Variants in ERC2 observed in about 807,000 individuals in gnomAD.
ERC2 encodes ELKS/RAB6-interacting/CAST family member 2.
ERC2 carries 42 observed loss-of-function variants against 114.8 expected under a neutral mutation model. The observed-to-expected ratio is 0.37, with a 90% CI of 0.29 to 0.47. ERC2 has a LOEUF of 0.47. Among genes scored for constraint, ERC2 ranks in the 20% least tolerant of loss-of-function variants. The probability of loss-of-function intolerance (pLI) is 0.99; values close to 1 mark genes in which losing one functional copy is unlikely to be tolerated. For synonymous variants in ERC2, 454 were observed against 425.5 expected, an observed-to-expected ratio of 1.07 and a Z score of -0.82; for missense variants, 939 against 1,150.7, an observed-to-expected ratio of 0.82 and a Z score of 2.66.
At chr3:55,620,211 C>T (rs1413217171) in intron 17 of ERC2, among the ~76,000 whole-genome samples, 2 of 152,164 alleles carry the variant, frequency 1.3e-5, no homozygotes, top group African/African-American at 4.8e-5. Flanking sequence ...AACACCCATC[C>T]TTTCAACAGA....
intron 3 of ERC2, among the ~76,000 whole-genome samples, chr3:56,259,385 C>T (rs1054335305): frequency 7.2e-5 from 11 of 152,054 alleles, no homozygotes; most frequent in African/African-American, 1.9e-4. Context: ...TAGGTCAACC[C>T]GCCTTACCGC....
intron 3 of ERC2, among the ~76,000 whole-genome samples, chr3:56,202,701 C>T (rs55849756): frequency 0.08 from 12,083 of 151,932 alleles, 658 homozygotes; most frequent in Admixed American, 0.15. Flanking sequence ...GTGAAATTTG[C>T]CAGATATATA....
At chr3:55,624,142 G>A (rs1481494126) in intron 17 of ERC2, among the ~76,000 whole-genome samples, 3 of 152,134 alleles carry the variant, frequency 2.0e-5, no homozygotes, top group African/African-American at 7.2e-5. Flanking sequence ...GAATCCAACA[G>A]GTAGGATGTA....
intron 14 of ERC2, among the ~76,000 whole-genome samples, chr3:55,738,607 C>T (rs1386246284): frequency 2.0e-5 from 3 of 152,090 alleles, no homozygotes; most frequent in Non-Finnish European, 2.9e-5. Flanking sequence ...ATACAATCTA[C>T]ATCATCTACC....
intron 14 of ERC2, among the ~76,000 whole-genome samples, chr3:55,746,491 ATCGGC>A (rs2066314656): frequency 6.6e-6 from 1 of 152,146 alleles, no homozygotes; most frequent in Admixed American, 6.5e-5. Flanking sequence ...ACCTCAGGTG[ATCGGC>A]CTCCCAAAGT....
intron 7 of ERC2, among the ~76,000 whole-genome samples, chr3:56,074,368 C>T (rs1386414530): frequency 6.6e-6 from 1 of 151,996 alleles, no homozygotes; most frequent in African/African-American, 2.4e-5. Flanking sequence ...GTCTGGTATA[C>T]AGTAAGGGTT....
intron 1 of ERC2, among the ~76,000 whole-genome samples, chr3:56,457,684 A>G (rs1187226880): frequency 6.6e-6 from 1 of 152,072 alleles, no homozygotes; most frequent in African/African-American, 2.4e-5. Flanking sequence ...TCCTGAGCCA[A>G]GCTAAACTCC....
intron 7 of ERC2, among the ~76,000 whole-genome samples, chr3:56,064,253 C>T (rs2076370040): frequency 6.6e-6 from 1 of 152,216 alleles, no homozygotes; most frequent in African/African-American, 2.4e-5. Context: ...GTGTCGGTAA[C>T]ATGGAACTGC....
In ERC2 at chr3:56,316,524, T is replaced by A. The variant is rs545066191; in HGVS notation, c.658-20089A>T. 2.6e-5 allele frequency among the ~76,000 whole-genome samples: 4 copies of A among 152,328 alleles called. No homozygotes were observed. In the South Asian group the frequency reaches 8.3e-4, roughly 32 times the overall value. ...CACTGTTAATCTCTGTCCTGTTTAA[T>A]CTCTGGAAAGTTGTTTGCCCTCAGT... On this transcript the variant is annotated intron_variant, in intron 2 of 17. Transcript: ENST00000288221.
chr3:56,004,924 A>C (rs145859403), intron 10 of ERC2, among the ~76,000 whole-genome samples: 1 of 152,118 alleles, frequency 6.6e-6, no homozygotes, highest in East Asian at 1.9e-4. Context: ...ATGTATATTC[A>C]CATACTGTTG....
At chr3:56,102,790 GA>G (rs2078431745) in intron 6 of ERC2, among the ~76,000 whole-genome samples, 1 of 152,174 alleles carries the variant, frequency 6.6e-6, no homozygotes, top group Non-Finnish European at 1.5e-5. Flanking sequence ...CACTGATGTT[GA>G]TAAGTAGCTG....
At chr3:55,516,243 T>TA (rs60032562) in intron 17 of ERC2, among the ~76,000 whole-genome samples, 459 of 142,228 alleles carry the variant, frequency 3.2e-3, no homozygotes, top group East Asian at 5.5e-3. Context: ...TCGTTTCTGC[T>TA]AAAAAAAAAA....
At chr3:56,055,297 A>C (rs2075964940) in intron 7 of ERC2, among the ~76,000 whole-genome samples, 1 of 152,186 alleles carries the variant, frequency 6.6e-6, no homozygotes, top group Non-Finnish European at 1.5e-5. Flanking sequence ...GGGCAGACTT[A>C]GGGGAGAAAA....
At chr3:55,861,197 G>C (rs2062012938) in intron 14 of ERC2, among the ~76,000 whole-genome samples, 2 of 152,120 alleles carry the variant, frequency 1.3e-5, no homozygotes, top group Admixed American at 1.3e-4. Flanking sequence ...TATCATTTCT[G>C]TGCTATTTGG....
intron 14 of ERC2, among the ~76,000 whole-genome samples, chr3:55,780,470 C>T (rs559755552): frequency 1.4e-4 from 21 of 151,986 alleles, no homozygotes; most frequent in African/African-American, 4.8e-4. Flanking sequence ...CCAAAAAACC[C>T]ACAATAAATA....
chr3:55,814,583 G>T (rs549143262), intron 14 of ERC2, among the ~76,000 whole-genome samples: 2 of 152,292 alleles, frequency 1.3e-5, no homozygotes, highest in African/African-American at 4.8e-5. Flanking sequence ...AAATAACTAG[G>T]GAAACAGAAA....
chr3:55,529,104 CCAGGCCATAGCCCTGGG>C (rs1328624452), intron 17 of ERC2, among the ~76,000 whole-genome samples: 1 of 152,192 alleles, frequency 6.6e-6, no homozygotes, highest in South Asian at 2.1e-4. Flanking sequence ...ATGGGAGTCC[CCAGGCCATAGCCCTGGG>C]ATTCTGTCTC....
intron 2 of ERC2, among the ~76,000 whole-genome samples, chr3:56,355,971 A>G (rs188108456): frequency 6.1e-4 from 93 of 152,286 alleles, no homozygotes; most frequent in Non-Finnish European, 1.1e-3. Flanking sequence ...ACACCCAATT[A>G]GTGAGACCAT....
intron 14 of ERC2, among the ~76,000 whole-genome samples, chr3:55,886,734 T>C (rs911528684): frequency 6.6e-6 from 1 of 152,260 alleles, no homozygotes; most frequent in Non-Finnish European, 1.5e-5. Flanking sequence ...CATAAGTTAA[T>C]CTTTTAAACA....
Sources: allele counts gnomAD v4.1 joint callset (sites outside exome capture counted in the v4.1 genomes callset), GRCh38; gene constraint gnomAD v4.1.1; transcripts MANE v1.5; gene names NCBI Gene and HGNC (gene_info 2026-07-23, HGNC 2026-07-21).